Variants in PPFIBP2 observed in about 807,000 individuals in gnomAD.
The protein encoded by PPFIBP2 is PPFIB scaffold protein 2.
In PPFIBP2, 118 loss-of-function variants were observed where a neutral mutation model predicts 118.3. That is an observed-to-expected ratio of 1.00 (90% CI 0.86 to 1.16). The LOEUF (loss-of-function observed/expected upper bound fraction) is 1.16, where lower values mean the gene tolerates loss of function less well. Among genes scored for constraint, PPFIBP2 ranks in the 50% most tolerant of loss-of-function variants. The pLI, the probability that PPFIBP2 is intolerant of heterozygous loss-of-function variation, is 0.00. For missense variants in PPFIBP2, 1,195 were observed against 1,073.1 expected (o/e 1.11, Z -1.59); for synonymous variants, 414 against 397.4 (o/e 1.04, Z -0.50).
At chr11:7,562,592 C>T (rs7126104) in intron 2 of PPFIBP2, among the ~76,000 whole-genome samples, 25,325 of 152,032 alleles carry the variant, frequency 0.17, 2,139 homozygotes, top group African/African-American at 0.18. Flanking sequence ...TTCTTGGAGG[C>T]TGGTTATCAA....
rs10839825 is a variant in PPFIBP2 at position 7,625,503 on chromosome 11, T to G, written c.712-274T>G. Among the ~76,000 whole-genome samples, 66,100 of 152,082 alleles carry G rather than the reference T, an allele frequency of 0.43. 15,595 individuals carry two copies. The highest frequency in any genetic ancestry group is 0.52 in the Non-Finnish European group (35,480 of 67,974). ...CTCATCACAATCCTAATCCTCACAGTGCAGGGGAGAGAAACTGGTCAGGTA... is the reference window on the plus strand; with the variant it reads ...CTCATCACAATCCTAATCCTCACAGGGCAGGGGAGAGAAACTGGTCAGGTA... On this transcript the variant is annotated intron_variant, in intron 7 of 23. Coordinates refer to ENST00000299492, the MANE Select transcript of PPFIBP2 (RefSeq NM_003621.5).
intron 3 of PPFIBP2, among the ~76,000 whole-genome samples, chr11:7,583,036 A>G (rs1240801645): frequency 6.6e-6 from 1 of 151,838 alleles, no homozygotes; most frequent in African/African-American, 2.4e-5. Flanking sequence ...CTTATAACTT[A>G]CCTTCCTTTC....
intron 15 of PPFIBP2, 144 bp from the exon 16 acceptor site, chr11:7,641,335 G>C: frequency 1.1e-6 from 1 of 928,314 alleles, no homozygotes; most frequent in Non-Finnish European, 1.6e-6. Context: ...TAGTCTCTGG[G>C]ATCTTGGTAT....
In PPFIBP2 at chr11:7,517,517, G is replaced by A. The variant is rs142744983; in HGVS notation, c.-37+3396G>A. ...GTACTACGGGGAATGTGGAAGTGGAGAGTAGTGTGGAGTTTTGAAAGGATG... is the reference window on the plus strand; with the variant it reads ...GTACTACGGGGAATGTGGAAGTGGAAAGTAGTGTGGAGTTTTGAAAGGATG... On this transcript the variant is annotated intron_variant, in intron 1 of 23. Coordinates refer to ENST00000299492, the MANE Select transcript of PPFIBP2 (RefSeq NM_003621.5). Among the ~76,000 whole-genome samples, 291 of 151,820 alleles carry A rather than the reference G, an allele frequency of 1.9e-3. 3 individuals carry two copies. The highest frequency in any genetic ancestry group is 6.7e-3 in the African/African-American group (278 of 41,318).
intron 16 of PPFIBP2, 138 bp from the exon 17 acceptor site, chr11:7,642,160 A>G: frequency 2.0e-6 from 2 of 1,000,782 alleles, no homozygotes; most frequent in Non-Finnish European, 2.9e-6. Flanking sequence ...GTGATCCTTG[A>G]TCTCTGGGAA....
chr11:7,542,009 G>A (rs564883635), intron 1 of PPFIBP2, among the ~76,000 whole-genome samples: 6 of 152,208 alleles, frequency 3.9e-5, no homozygotes, highest in South Asian at 2.1e-4. Flanking sequence ...ATCTCTTGCC[G>A]GGTTTCCTGT....
At chr11:7,531,111 C>A (rs940709894) in intron 1 of PPFIBP2, among the ~76,000 whole-genome samples, 2 of 152,158 alleles carry the variant, frequency 1.3e-5, no homozygotes, top group Non-Finnish European at 2.9e-5. Flanking sequence ...TGTCATTCTC[C>A]AGCAGGCCTG....
At chr11:7,651,945 C>A in intron 23 of PPFIBP2, 101 bp downstream of exon 23, 1 of 1,169,062 alleles carries the variant, frequency 8.6e-7, no homozygotes, top group Non-Finnish European at 1.2e-6. Context: ...GCATGCGCAG[C>A]CTGGACAAAG....
intron 1 of PPFIBP2, among the ~76,000 whole-genome samples, chr11:7,525,973 G>C (rs764647285): frequency 6.6e-6 from 1 of 152,212 alleles, no homozygotes; most frequent in Non-Finnish European, 1.5e-5. Flanking sequence ...TCAGAGGGCA[G>C]AGATGAAGGC....
intron 5 of PPFIBP2, among the ~76,000 whole-genome samples, chr11:7,599,263 G>A (rs954750646): frequency 2.6e-5 from 4 of 152,082 alleles, no homozygotes; most frequent in African/African-American, 9.7e-5. Flanking sequence ...AGGTGAGAAG[G>A]ATAAGGGAAG....
Position 7,625,850 on chromosome 11 carries a change from C to G in PPFIBP2, c.785C>G (p.Ser262Cys), listed in dbSNP as rs757695868. ...AEIERLHSQLSRTAALHSESH... is the reference protein window; with the variant it reads ...AEIERLHSQLCRTAALHSESH... ...ATTGAGCGTCTGCACAGCCAGCTCT[C>G]CCGGACAGCAGCTCTCCACAGTGAG... Residue 262 changes from serine (S) to cysteine (C), a missense_variant, in exon 8 of 24, where the codon TCC becomes TGC. Coordinates refer to ENST00000299492, the MANE Select transcript of PPFIBP2 (RefSeq NM_003621.5). 1 of 1,614,218 alleles carries G rather than the reference C, an allele frequency of 6.2e-7. No individual in the cohort carries two copies. The highest frequency in any genetic ancestry group is 8.5e-7 in the Non-Finnish European group (1 of 1,180,020).
intron 8 of PPFIBP2, among the ~76,000 whole-genome samples, chr11:7,626,398 C>A (rs1473402811): frequency 1.3e-5 from 2 of 152,206 alleles, no homozygotes; most frequent in East Asian, 3.9e-4. Context: ...TTCTTGGCCA[C>A]CCTAACTCAA....
chr11:7,602,632 T>C (rs1158582477), intron 5 of PPFIBP2, among the ~76,000 whole-genome samples: 3 of 152,098 alleles, frequency 2.0e-5, no homozygotes, highest in Admixed American at 6.5e-5. Flanking sequence ...ACAGAAACAA[T>C]GTTCAATGTC....
intron 4 of PPFIBP2, chr11:7,597,335 C>T (rs754329807): frequency 5.2e-6 from 8 of 1,535,644 alleles, no homozygotes; most frequent in South Asian, 1.2e-5. Context: ...GTAAACGTGA[C>T]CCATGTCATC....
At chr11:7,658,233 TGC>T (rs1317263131), downstream of PPFIBP2, among the ~76,000 whole-genome samples, 6 of 149,988 alleles carry the variant, frequency 4.0e-5, no homozygotes, top group Non-Finnish European at 8.9e-5. Context: ...GCCATGCTGG[TGC>T]ACTGCACCCA....
chr11:7,644,894 G>A (rs1590781942), intron 17 of PPFIBP2, among the ~76,000 whole-genome samples: 1 of 151,196 alleles, frequency 6.6e-6, no homozygotes, highest in South Asian at 2.1e-4. Flanking sequence ...GGGCGTGGTG[G>A]CGGGCGCCTG....
rs114111859 is a variant in PPFIBP2 at position 7,628,038 on chromosome 11, G to T, written c.827-247G>T. The stretch of plus-strand genomic sequence containing the variant: ...GCTTCCTCTGTCCTCTCGAGTACAT[G>T]GGCATTTTGATTTTGCCCATAAATG... On this transcript the variant is annotated intron_variant, in intron 8 of 23. Coordinates refer to ENST00000299492, the MANE Select transcript of PPFIBP2 (RefSeq NM_003621.5). 8.0e-3 allele frequency among the ~76,000 whole-genome samples: 1,212 copies of T among 152,258 alleles called. 13 individuals carry two copies. Among genetic ancestry groups the T allele is most frequent in the African/African-American group, 0.027 (1,111 of 41,548 alleles).
At chr11:7,619,296 A>G (rs918754943) in intron 6 of PPFIBP2, among the ~76,000 whole-genome samples, 11 of 152,224 alleles carry the variant, frequency 7.2e-5, no homozygotes, top group African/African-American at 2.7e-4. Flanking sequence ...TTACTCAGGG[A>G]GACCTGAAGG....
intron 2 of PPFIBP2, among the ~76,000 whole-genome samples, chr11:7,556,248 G>C (rs1853610726): frequency 6.6e-6 from 1 of 152,160 alleles, no homozygotes; most frequent in Non-Finnish European, 1.5e-5. Context: ...GAGGTCAGGA[G>C]ATTGAGACCA....
Sources: allele counts gnomAD v4.1 joint callset (sites outside exome capture counted in the v4.1 genomes callset), GRCh38; gene constraint gnomAD v4.1.1; transcripts MANE v1.5; gene names NCBI Gene and HGNC (gene_info 2026-07-23, HGNC 2026-07-21).